MYH10: variants seen among roughly 807,000 people sequenced by gnomAD.
The protein encoded by MYH10 is myosin heavy chain 10, also known as myosin-10.
A neutral mutation model predicts 257.8 loss-of-function variants in MYH10; 55 were observed. The ratio of observed to expected loss-of-function variants is 0.21; its 90% CI spans 0.17 to 0.27. The LOEUF (loss-of-function observed/expected upper bound fraction) is 0.27. Ranked by LOEUF, MYH10 falls within the 10% of genes least tolerant of loss-of-function variation. The pLI is 1.00. For missense variants in MYH10, 1,631 were observed against 2,500.6 expected, an observed-to-expected ratio of 0.65 and a Z score of 7.42; for synonymous variants, 854 against 921.7, an observed-to-expected ratio of 0.93 and a Z score of 1.33.
chr17:8,501,672 GA>G (rs1355857679), intron 28 of MYH10, among the ~76,000 whole-genome samples: 2 of 152,184 alleles, frequency 1.3e-5, no homozygotes, highest in Non-Finnish European at 2.9e-5. Flanking sequence ...GGAGGGGCAG[GA>G]AAATTAAAAG....
At chr17:8,605,608 G>A (rs775840790) in intron 2 of MYH10, among the ~76,000 whole-genome samples, 2 of 152,134 alleles carry the variant, frequency 1.3e-5, no homozygotes, top group South Asian at 2.1e-4. Context: ...GCCGGGCACA[G>A]TGGCAGGCGC....
At chr17:8,512,401 T>C in intron 24 of MYH10, 50 bp downstream of exon 24, 2 of 1,430,992 alleles carry the variant, frequency 1.4e-6, no homozygotes, top group Non-Finnish European at 1.9e-6. Flanking sequence ...ATTCAACAGA[T>C]CCACTTGAAA....
rs376699371 is a variant in MYH10, at chr17:8,576,600, G to T, written c.663+43C>A. ...AGACTCAATCTACAGACAGAAATTA[G>T]TGCAAACACTCAAGACTAAGAAGCA... On this transcript the variant is annotated intron_variant, in intron 6 of 42. Transcript: ENST00000360416. 169 of 1,533,766 alleles carry T rather than the reference G, an allele frequency of 1.1e-4. No individual in the cohort carries two copies. In the African/African-American group the frequency reaches 2.0e-3, roughly 19 times the overall value.
chr17:8,509,731 CTTTCAA>C, intron 25 of MYH10, 75 bp downstream of exon 25: 1 of 1,321,974 alleles, frequency 7.6e-7, no homozygotes. Flanking sequence ...TTTGAGTTCA[CTTTCAA>C]TGAGTGTATC....
intron 7 of MYH10, among the ~76,000 whole-genome samples, chr17:8,557,746 C>T (rs1174274581): frequency 6.6e-6 from 1 of 151,958 alleles, no homozygotes; most frequent in Non-Finnish European, 1.5e-5. Flanking sequence ...AAGTCATGAA[C>T]AAAAAAACCA....
intron 7 of MYH10, among the ~76,000 whole-genome samples, chr17:8,564,848 A>G (rs1350687414): frequency 6.6e-6 from 1 of 152,200 alleles, no homozygotes; most frequent in East Asian, 1.9e-4. Flanking sequence ...CCATGAGGGA[A>G]ATAAACAGGA....
intron 3 of MYH10, among the ~76,000 whole-genome samples, chr17:8,591,094 G>C (rs935467914): frequency 6.6e-6 from 1 of 151,772 alleles, no homozygotes; most frequent in Non-Finnish European, 1.5e-5. Flanking sequence ...GGATGGTCTC[G>C]ATCTCCCGAC....
At chr17:8,556,650 CCTTT>C (rs1413037732) in intron 7 of MYH10, among the ~76,000 whole-genome samples, 1 of 152,146 alleles carries the variant, frequency 6.6e-6, no homozygotes, top group Non-Finnish European at 1.5e-5. Flanking sequence ...GCAAAAGAAA[CCTTT>C]CTGGAGTAAG....
intron 2 of MYH10, among the ~76,000 whole-genome samples, chr17:8,606,848 A>G (rs987523556): frequency 6.6e-6 from 1 of 152,220 alleles, no homozygotes; most frequent in Non-Finnish European, 1.5e-5. Context: ...TGTACTAATT[A>G]CTATAGACTC....
chr17:8,506,305 C>G lies in MYH10; in HGVS notation c.3386+13G>C. The G allele has an allele frequency of 1.3e-6, 2 of 1,572,458 alleles. No individual in the cohort carries two copies. Among genetic ancestry groups the G allele is most frequent in the Middle Eastern group, 3.4e-4 (2 of 5,898 alleles). ...CATGGGCTCCCGTGCAGCGCAGCTGCTGGGCTGCAGACCTGGCCAGTGCGC... is the reference window on the plus strand; with the variant it reads ...CATGGGCTCCCGTGCAGCGCAGCTGGTGGGCTGCAGACCTGGCCAGTGCGC... On this transcript the variant is annotated intron_variant, in intron 27 of 42. Transcript: ENST00000360416. This position sits in a 1 kb window ranked among gnomAD's most constrained non-coding sequence, Gnocchi z 5.0.
chr17:8,622,764 C>A, intron 2 of MYH10, 138 bp downstream of exon 2: 1 of 1,067,694 alleles, frequency 9.4e-7, no homozygotes, highest in Non-Finnish European at 1.3e-6. Context: ...AGCAACAAAT[C>A]TTTCTATCTT....
intron 21 of MYH10, among the ~76,000 whole-genome samples, chr17:8,517,754 C>T (rs941519194): frequency 6.6e-6 from 1 of 152,186 alleles, no homozygotes; most frequent in Admixed American, 6.5e-5. Context: ...TAGATTCCCC[C>T]TCACTGCACT....
At chr17:8,616,062 T>C (rs1597986332) in intron 2 of MYH10, among the ~76,000 whole-genome samples, 1 of 152,216 alleles carries the variant, frequency 6.6e-6, no homozygotes, top group Non-Finnish European at 1.5e-5. Flanking sequence ...GGCAGGCGGA[T>C]TGCTTTTGCC....
intron 4 of MYH10, among the ~76,000 whole-genome samples, chr17:8,586,979 T>C (rs950386169): frequency 2.0e-5 from 3 of 152,172 alleles, no homozygotes; most frequent in African/African-American, 7.2e-5. Context: ...TGCCTTGCCA[T>C]GTCTTGCTTG....
chr17:8,604,923 A>G lies in MYH10; in HGVS notation c.405T>C (p.Ser135=). Residue 135 remains serine, a synonymous_variant, in exon 3 of 43, where the codon TCT becomes TCC. Transcript: ENST00000360416. ...CTCTGTACATTTCAATAATATTCTC[A>G]GAGTAAATTGGAAGATTCTTGTAAG... ...INPYKNLPIY[S]ENIIEMYRGK... 6.3e-7 allele frequency: 1 copy of G among 1,590,456 alleles called. No individual in the cohort carries two copies. The highest frequency in any genetic ancestry group is 8.6e-7 in the Non-Finnish European group (1 of 1,160,708).
chr17:8,564,099 T>C (rs2151989249), intron 7 of MYH10, among the ~76,000 whole-genome samples: 1 of 152,306 alleles, frequency 6.6e-6, no homozygotes, highest in Non-Finnish European at 1.5e-5. Flanking sequence ...TGGAACGCAT[T>C]TTACTTCTCC....
Position 8,504,949 on chromosome 17 carries a change from C to A in MYH10, c.3387-43G>T. 6.4e-7 allele frequency: 1 copy of A among 1,557,070 alleles called. No homozygotes were observed. The highest frequency in any genetic ancestry group is 8.9e-7 in the Non-Finnish European group (1 of 1,129,780). ...CGCAAGAGGCACTCAGAGATGGCACCCGGATGGCCTGTTTCTCAGGCGAGC... is the reference window on the plus strand; with the variant it reads ...CGCAAGAGGCACTCAGAGATGGCACACGGATGGCCTGTTTCTCAGGCGAGC... On this transcript the variant is annotated intron_variant, in intron 27 of 42. Coordinates refer to ENST00000360416, the MANE Select transcript of MYH10 (RefSeq NM_001256012.3). This position sits in a 1 kb window ranked among gnomAD's most constrained non-coding sequence, Gnocchi z 5.6.
intron 24 of MYH10, 113 bp from the exon 25 acceptor site, chr17:8,510,062 G>A (rs11650834): frequency 0.61 from 607,670 of 1,003,604 alleles, 184,806 homozygotes; most frequent in Non-Finnish European, 0.63. Flanking sequence ...TTTTTGACAC[G>A]GAGTCTCGCT....
intron 17 of MYH10, among the ~76,000 whole-genome samples, chr17:8,523,495 G>A (rs985541926): frequency 6.6e-6 from 1 of 152,210 alleles, no homozygotes; most frequent in Non-Finnish European, 1.5e-5. Context: ...TGGGCCTGTG[G>A]GAAGATGACC....
Sources: allele counts gnomAD v4.1 joint callset (sites outside exome capture counted in the v4.1 genomes callset), GRCh38; gene constraint gnomAD v4.1.1; non-coding constraint Gnocchi (gnomAD v3.1); transcripts MANE v1.5; gene names NCBI Gene and HGNC (gene_info 2026-07-23, HGNC 2026-07-21).